The following HS3ST5 variants were observed in gnomAD, a reference collection of about 807,000 sequenced individuals.
HS3ST5 encodes heparan sulfate-glucosamine 3-sulfotransferase 5, also known as heparan sulfate glucosamine 3-O-sulfotransferase 5.
Under a neutral mutation model 25.4 loss-of-function variants are expected in HS3ST5, and 10 were observed. The ratio of observed to expected loss-of-function variants is 0.39; its 90% confidence interval spans 0.24 to 0.67. The LOEUF is 0.67. HS3ST5 is among the 30% of genes least tolerant of loss of function. HS3ST5 has a pLI of 0.44. For missense variants in HS3ST5, 324 were observed against 420.7 expected, an observed-to-expected ratio of 0.77 and a Z score of 2.01; for synonymous variants, 170 against 162.4, an observed-to-expected ratio of 1.05 and a Z score of -0.36.
At chr6:114,088,389 T>A (rs1582586577) in intron 3 of HS3ST5, among the ~76,000 whole-genome samples, 1 of 151,668 alleles carries the variant, frequency 6.6e-6, no homozygotes, top group Non-Finnish European at 1.5e-5. Flanking sequence ...TCCTGGATGA[T>A]CTTCTCTTTT....
At chr6:114,095,396 T>G (rs191439504) in intron 3 of HS3ST5, among the ~76,000 whole-genome samples, 4 of 152,244 alleles carry the variant, frequency 2.6e-5, no homozygotes, top group African/African-American at 9.6e-5. Flanking sequence ...ACTAGTGAAG[T>G]TCAAACTACA....
chr6:114,147,105 T>C (rs1238940937), intron 3 of HS3ST5, among the ~76,000 whole-genome samples: 2 of 152,188 alleles, frequency 1.3e-5, no homozygotes, highest in Admixed American at 1.3e-4. Context: ...GGGGACTCTG[T>C]GGGCAAAGTC....
intron 1 of HS3ST5, among the ~76,000 whole-genome samples, chr6:114,311,662 T>C (rs111424931): frequency 0.035 from 5,315 of 149,738 alleles, 314 homozygotes; most frequent in African/African-American, 0.12. Flanking sequence ...CGTGCCTCAG[T>C]TTCCTGAGTA....
At chr6:114,341,156 AGAGAG>A (rs1429267262) in intron 1 of HS3ST5, among the ~76,000 whole-genome samples, 1 of 113,304 alleles carries the variant, frequency 8.8e-6, no homozygotes, top group Non-Finnish European at 1.8e-5. Flanking sequence ...GGAGAGGGGG[AGAGAG>A]GGGAGGGAGG....
chr6:114,062,958 G>C, intron 3 of HS3ST5, 81 bp from the exon 4 acceptor site: 1 of 724,066 alleles, frequency 1.4e-6, no homozygotes, highest in Non-Finnish European at 2.4e-6. Context: ...TGGAAGACAG[G>C]TGATAAGTGA....
chr6:114,061,087 A>C (rs1773089787), intron 4 of HS3ST5, among the ~76,000 whole-genome samples: 1 of 152,204 alleles, frequency 6.6e-6, no homozygotes, highest in Admixed American at 6.5e-5. Flanking sequence ...CAAACAATTC[A>C]ATTCCAAATA....
At chr6:114,304,338 C>T (rs1338771086) in intron 1 of HS3ST5, among the ~76,000 whole-genome samples, 1 of 152,006 alleles carries the variant, frequency 6.6e-6, no homozygotes, top group Non-Finnish European at 1.5e-5. Flanking sequence ...GAAAAAAATC[C>T]TTCCATTTTG....
intron 1 of HS3ST5, among the ~76,000 whole-genome samples, chr6:114,274,042 C>A (rs1411035061): frequency 6.6e-6 from 1 of 151,716 alleles, no homozygotes; most frequent in Non-Finnish European, 1.5e-5. Context: ...GAGGGGAGAA[C>A]TGGTGGAGTA....
Position 114,265,268 on chromosome 6 carries a change from T to G in HS3ST5, c.-338-36490A>C, listed in dbSNP as rs185920125. On this transcript the variant is annotated intron_variant, in intron 1 of 4. Coordinates refer to ENST00000312719, the MANE Select transcript of HS3ST5 (RefSeq NM_153612.4). ...GAATGTATCAAAATGGAGAAAGTGG[T>G]TGATGATGTGTAACTCTGCTGAGAG... 2.1e-3 allele frequency among the ~76,000 whole-genome samples: 324 copies of G among 152,060 alleles called. 1 individual carries two copies. The highest frequency in any genetic ancestry group is 7.4e-3 in the African/African-American group (307 of 41,466).
intron 1 of HS3ST5, among the ~76,000 whole-genome samples, chr6:114,276,676 T>A (rs572875404): frequency 6.6e-6 from 1 of 151,772 alleles, no homozygotes; most frequent in East Asian, 1.9e-4. Flanking sequence ...ATGAAATATA[T>A]TAAATGACTC....
intron 2 of HS3ST5, among the ~76,000 whole-genome samples, chr6:114,196,910 T>C (rs1344870121): frequency 3.3e-5 from 5 of 151,722 alleles, no homozygotes; most frequent in Non-Finnish European, 7.4e-5. Context: ...AAAAGAGCAA[T>C]GATTGAGGAA....
intron 3 of HS3ST5, among the ~76,000 whole-genome samples, chr6:114,100,057 T>C (rs1400261928): frequency 1.3e-5 from 2 of 152,174 alleles, no homozygotes; most frequent in African/African-American, 4.8e-5. Flanking sequence ...TTATCCTATA[T>C]TGTGGTTCTC....
intron 3 of HS3ST5, among the ~76,000 whole-genome samples, chr6:114,139,548 A>G (rs374818516): frequency 4.6e-5 from 7 of 152,190 alleles, no homozygotes; most frequent in African/African-American, 1.7e-4. Context: ...GTTGAACTTA[A>G]TTGCTAAATT....
At chr6:114,253,509 T>C (rs569580193) in intron 1 of HS3ST5, among the ~76,000 whole-genome samples, 1 of 152,302 alleles carries the variant, frequency 6.6e-6, no homozygotes, top group East Asian at 1.9e-4. Flanking sequence ...AGAGCTACCA[T>C]ATTCCTTCTC....
At chr6:114,250,921 T>G (rs890359656) in intron 1 of HS3ST5, among the ~76,000 whole-genome samples, 1 of 152,168 alleles carries the variant, frequency 6.6e-6, no homozygotes, top group African/African-American at 2.4e-5. Context: ...GAAATCATTC[T>G]CAAGTGTTTT....
At chr6:114,327,616 C>T (rs181402303) in intron 1 of HS3ST5, among the ~76,000 whole-genome samples, 7 of 151,998 alleles carry the variant, frequency 4.6e-5, no homozygotes, top group East Asian at 1.9e-4. Flanking sequence ...TGTGAAAACA[C>T]GCTATATTAT....
At chr6:114,161,741 A>C (rs1484881744) in intron 3 of HS3ST5, among the ~76,000 whole-genome samples, 1 of 149,556 alleles carries the variant, frequency 6.7e-6, no homozygotes, top group Non-Finnish European at 1.5e-5. Flanking sequence ...GAGATTCTTG[A>C]CCTCTCACCC....
chr6:114,208,578 G>A (rs192251477), intron 2 of HS3ST5, among the ~76,000 whole-genome samples: 104 of 152,278 alleles, frequency 6.8e-4, no homozygotes, highest in South Asian at 8.3e-4. Context: ...TTGCAGGGGC[G>A]AGTGTGCAAC....
intron 2 of HS3ST5, among the ~76,000 whole-genome samples, chr6:114,222,405 G>A (rs2057428910): frequency 6.6e-6 from 1 of 151,850 alleles, no homozygotes; most frequent in African/African-American, 2.4e-5. Flanking sequence ...CTTGTTGAAT[G>A]AATGAAGAAA....
Sources: allele counts gnomAD v4.1 joint callset (sites outside exome capture counted in the v4.1 genomes callset), GRCh38; gene constraint gnomAD v4.1.1; transcripts MANE v1.5; gene names NCBI Gene and HGNC (gene_info 2026-07-23, HGNC 2026-07-21).